The following CCSER1 variants were observed in gnomAD, a reference collection of about 807,000 sequenced individuals.
CCSER1 encodes serine-rich coiled-coil domain-containing protein 1.
A neutral mutation model predicts 82.0 loss-of-function variants in CCSER1; 41 were observed. The observed-to-expected ratio is 0.50, with a 90% confidence interval of 0.39 to 0.65. The LOEUF (loss-of-function observed/expected upper bound fraction) is 0.65. CCSER1 is among the 30% of genes least tolerant of loss of function. The pLI, the probability that CCSER1 is intolerant of heterozygous loss-of-function variation, is 0.00. For synonymous variants in CCSER1, 414 were observed against 383.9 expected, an observed-to-expected ratio of 1.08 and a Z score of -0.92; for missense variants, 1,119 against 1,064.2, an observed-to-expected ratio of 1.05 and a Z score of -0.72.
At chr4:91,489,982 G>A (rs546375466) in intron 10 of CCSER1, among the ~76,000 whole-genome samples, 129 of 152,202 alleles carry the variant, frequency 8.5e-4, no homozygotes, top group Non-Finnish European at 1.4e-3. Flanking sequence ...GCAAACAAGT[G>A]TACAAAAAGG....
At chr4:90,147,856 T>C (rs1288775242) in intron 1 of CCSER1, among the ~76,000 whole-genome samples, 1 of 152,150 alleles carries the variant, frequency 6.6e-6, no homozygotes, top group Admixed American at 6.6e-5. Flanking sequence ...AGAGTATAAT[T>C]ATAACAATTT....
At position 91,166,978 on chromosome 4, in the gene CCSER1, C is replaced by A. The variant is rs189213901; in HGVS notation, c.2217+80984C>A. Among the ~76,000 whole-genome samples, 186 of 152,014 alleles carry A rather than the reference C, an allele frequency of 1.2e-3. 1 individual carries two copies. The highest frequency in any genetic ancestry group is 7.1e-3 in the South Asian group (34 of 4,812). ...ATTAAATGGTGCAAATAAAAAATGACAGATAATAAAATAGTGTTAAGAATA... is the reference window on the plus strand; with the variant it reads ...ATTAAATGGTGCAAATAAAAAATGAAAGATAATAAAATAGTGTTAAGAATA... On this transcript the variant is annotated intron_variant, in intron 10 of 10. Coordinates refer to ENST00000509176, the MANE Select transcript of CCSER1 (RefSeq NM_001145065.2).
At chr4:90,203,782 G>A (rs1738222769) in intron 1 of CCSER1, among the ~76,000 whole-genome samples, 1 of 152,114 alleles carries the variant, frequency 6.6e-6, no homozygotes. Flanking sequence ...CTTCCACAAT[G>A]GTTGAACTAA....
chr4:91,595,495 T>C (rs1214460556), intron 10 of CCSER1, among the ~76,000 whole-genome samples: 1 of 152,200 alleles, frequency 6.6e-6, no homozygotes, highest in South Asian at 2.1e-4. Flanking sequence ...TTTCAAGGTC[T>C]GTTAGTTACA....
intron 8 of CCSER1, among the ~76,000 whole-genome samples, chr4:90,820,390 C>G (rs1437590185): frequency 6.6e-6 from 1 of 152,100 alleles, no homozygotes; most frequent in Admixed American, 6.6e-5. Context: ...AGTTCAAGAT[C>G]AAGGAGCTAG....
chr4:90,308,149 CTATTT>C (rs1292787718), intron 1 of CCSER1, 90 bp from the exon 2 acceptor site: 1 of 945,620 alleles, frequency 1.1e-6, no homozygotes, highest in African/African-American at 1.7e-5. Context: ...AAACTAAATT[CTATTT>C]TGTGTCTCGA....
chr4:90,480,190 T>C (rs1765722806), intron 5 of CCSER1, among the ~76,000 whole-genome samples: 1 of 152,242 alleles, frequency 6.6e-6, no homozygotes, highest in African/African-American at 2.4e-5. Context: ...AAGAATTGTC[T>C]GTTCATATCC....
chr4:90,920,633 T>A (rs1198794968), intron 8 of CCSER1, among the ~76,000 whole-genome samples: 1 of 151,854 alleles, frequency 6.6e-6, no homozygotes, highest in Non-Finnish European at 1.5e-5. Flanking sequence ...AACTCTTTTG[T>A]ACGTCCCCTC....
At chr4:90,309,910 A>G (rs913343691) in intron 2 of CCSER1, among the ~76,000 whole-genome samples, 2 of 152,154 alleles carry the variant, frequency 1.3e-5, no homozygotes, top group Admixed American at 6.6e-5. Context: ...AAGAAAGTGA[A>G]TGGAAAGTAA....
chr4:90,790,829 GTCT>G (rs1383487565), intron 7 of CCSER1, among the ~76,000 whole-genome samples: 2 of 152,096 alleles, frequency 1.3e-5, no homozygotes, highest in African/African-American at 2.4e-5. Context: ...ACATTTTCCT[GTCT>G]TCTTCTGAGG....
intron 3 of CCSER1, among the ~76,000 whole-genome samples, chr4:90,313,562 G>A (rs72879776): frequency 0.021 from 3,256 of 152,178 alleles, 90 homozygotes; most frequent in African/African-American, 0.067. Context: ...GCATACATTG[G>A]AGGTAATCAA....
At chr4:91,534,635 CTAT>C (rs980140640) in intron 10 of CCSER1, among the ~76,000 whole-genome samples, 1 of 151,874 alleles carries the variant, frequency 6.6e-6, no homozygotes, top group Non-Finnish European at 1.5e-5. Context: ...GCTATTGTTG[CTAT>C]TATTAAGCTA....
intron 10 of CCSER1, among the ~76,000 whole-genome samples, chr4:91,533,959 C>T (rs2110175428): frequency 6.6e-6 from 1 of 152,026 alleles, no homozygotes; most frequent in African/African-American, 2.4e-5. Context: ...AAAAAAATTG[C>T]AAATAGATAT....
intron 5 of CCSER1, among the ~76,000 whole-genome samples, chr4:90,478,741 T>TA (rs1765456630): frequency 2.0e-5 from 3 of 150,526 alleles, no homozygotes; most frequent in Non-Finnish European, 3.0e-5. Flanking sequence ...CTTTTTTTTT[T>TA]TTTTTTTTAT....
intron 10 of CCSER1, among the ~76,000 whole-genome samples, chr4:91,570,543 G>A (rs2110282734): frequency 6.6e-6 from 1 of 152,290 alleles, no homozygotes; most frequent in South Asian, 2.1e-4. Context: ...CAAACAACAT[G>A]TGTAAGCCAC....
intron 5 of CCSER1, among the ~76,000 whole-genome samples, chr4:90,588,736 A>G (rs1402763374): frequency 6.6e-6 from 1 of 152,140 alleles, no homozygotes; most frequent in Non-Finnish European, 1.5e-5. Context: ...ATAGTAGTGA[A>G]TAAGTCTCAA....
At chr4:90,632,372 G>C (rs1004040473) in intron 6 of CCSER1, among the ~76,000 whole-genome samples, 7 of 151,706 alleles carry the variant, frequency 4.6e-5, no homozygotes, top group African/African-American at 7.3e-5. Context: ...TAATTCATTT[G>C]GCACTTAGTA....
chr4:90,178,311 A>G (rs1694878993), intron 1 of CCSER1, among the ~76,000 whole-genome samples: 1 of 152,136 alleles, frequency 6.6e-6, no homozygotes, highest in Non-Finnish European at 1.5e-5. Context: ...TAGTAAAAAT[A>G]CAGTAACAGG....
At chr4:90,224,178 A>T (rs1460812666) in intron 1 of CCSER1, among the ~76,000 whole-genome samples, 2 of 152,204 alleles carry the variant, frequency 1.3e-5, no homozygotes, top group African/African-American at 4.8e-5. Flanking sequence ...AATCAATTTG[A>T]GTTCATTGTT....
Sources: allele counts gnomAD v4.1 joint callset (sites outside exome capture counted in the v4.1 genomes callset), GRCh38; gene constraint gnomAD v4.1.1; transcripts MANE v1.5; gene names NCBI Gene and HGNC (gene_info 2026-07-23, HGNC 2026-07-21).